Variants in MTF1 observed in about 807,000 individuals in gnomAD.
The protein encoded by MTF1 is MRE-binding transcription factor.
MTF1 carries 22 observed loss-of-function variants against 70.4 expected under a neutral mutation model. That is an observed-to-expected ratio of 0.31 (90% CI 0.22 to 0.45). MTF1 has a LOEUF of 0.45. Among genes scored for constraint, MTF1 ranks in the 20% least tolerant of loss-of-function variants. The pLI is 1.00. For synonymous variants in MTF1, 333 were observed against 352.8 expected (o/e 0.94, Z 0.63); for missense variants, 649 against 922.0 (o/e 0.70, Z 3.83).
chr1:37,811,164 G>T lies in MTF1; in HGVS notation c.*3972C>A, dbSNP rs1349650576. The stretch of plus-strand genomic sequence containing the variant: ...TAATGGTGAAGAGGGAAAAGATGGC[G>T]AGAGACCAAGAAGTGATGAAAAAGG... On this transcript the variant is annotated 3_prime_UTR_variant, in exon 11 of 11. Transcript: ENST00000373036. The T allele has an allele frequency of 6.6e-6, 1 of 152,624 alleles. No homozygotes were observed. Among genetic ancestry groups the T allele is most frequent in the Non-Finnish European group, 1.5e-5 (1 of 68,046 alleles). 9.5% of individuals were successfully genotyped at this position (152,624 alleles called of 1,614,324 possible). A position where few individuals can be genotyped will look rare whatever the true frequency, so the allele number is the denominator to read the frequency against.
chr1:37,845,870 C>T (rs1337459539), intron 2 of MTF1, among the ~76,000 whole-genome samples: 3 of 152,104 alleles, frequency 2.0e-5, no homozygotes, highest in Non-Finnish European at 4.4e-5. Context: ...GTGCTCCCCC[C>T]ATAAAATGCT....
chr1:37,854,340 G>A (rs146482779), intron 2 of MTF1, among the ~76,000 whole-genome samples: 20 of 152,216 alleles, frequency 1.3e-4, no homozygotes, highest in Non-Finnish European at 2.6e-4. Context: ...TTACATGCAG[G>A]TCTCCATTTT....
rs1321238448 is a variant in MTF1, at chr1:37,838,684, G to A, written c.720C>T (p.Phe240=). The part of the protein sequence containing the change: ...NCESEGCSKY[F]TTLSDLRKHI... ...GCTTCCTCAGATCACTGAGTGTGGTGAAGTATTTGCTGCAGCCTTCAGATT... is the reference window on the plus strand; with the variant it reads ...GCTTCCTCAGATCACTGAGTGTGGTAAAGTATTTGCTGCAGCCTTCAGATT... The change falls in exon 4 of 11, where the codon TTC becomes TTT. Residue 240 remains phenylalanine (F), a synonymous_variant. Transcript: ENST00000373036. 4 of 1,610,388 alleles carry A rather than the reference G, an allele frequency of 2.5e-6. No individual in the cohort carries two copies. Among genetic ancestry groups the A allele is most frequent in the South Asian group, 1.1e-5 (1 of 90,992 alleles).
At chr1:37,849,769 C>T (rs1046340812) in intron 2 of MTF1, among the ~76,000 whole-genome samples, 1 of 152,150 alleles carries the variant, frequency 6.6e-6, no homozygotes, top group African/African-American at 2.4e-5. Flanking sequence ...TGCCTTTAAT[C>T]CCAGCAGCTC....
Position 37,815,569 on chromosome 1 carries a change from G to A in MTF1, c.1832-3C>T, listed in dbSNP as rs765057389. Reference sequence around the variant, plus strand: ...GCCAATCTGCTGGACAGAGCTCCCTGCGAGAGAGGCAAGAGAGACTGCTCT... The same window carrying A: ...GCCAATCTGCTGGACAGAGCTCCCTACGAGAGAGGCAAGAGAGACTGCTCT... On this transcript the variant is annotated splice_polypyrimidine_tract_variant and splice_region_variant and intron_variant, in intron 10 of 10. Transcript: ENST00000373036. The surrounding 1 kb of genome is among the most constrained non-coding windows in gnomAD (Gnocchi z 4.5). 1.6e-5 allele frequency: 24 copies of A among 1,523,918 alleles called. No individual in the cohort carries two copies. Among genetic ancestry groups the A allele is most frequent in the Non-Finnish European group, 2.1e-5 (24 of 1,138,752 alleles). 94.4% of individuals were successfully genotyped at this position (1,523,918 alleles called of 1,614,324 possible).
Position 37,814,885 on chromosome 1 carries a change from T to C in MTF1, c.*251A>G. On this transcript the variant is annotated 3_prime_UTR_variant, in exon 11 of 11. Transcript: ENST00000373036. Reference sequence around the variant, plus strand: ...CACATGACAACAAGCAAAAGTGACATACAGTGCAGCCAAACAGTTCACTTA... The same window carrying C: ...CACATGACAACAAGCAAAAGTGACACACAGTGCAGCCAAACAGTTCACTTA... 2 of 451,192 alleles carry C rather than the reference T, an allele frequency of 4.4e-6. No homozygotes were observed. The highest frequency in any genetic ancestry group is 7.9e-6 in the Non-Finnish European group (2 of 252,540). The allele number at this position is 451,192 out of a possible 1,614,324, so 27.9% of individuals were successfully genotyped here.
At chr1:37,859,193 G>C (rs1277534110) in intron 1 of MTF1, among the ~76,000 whole-genome samples, 4 of 152,238 alleles carry the variant, frequency 2.6e-5, no homozygotes, top group Non-Finnish European at 5.9e-5. Flanking sequence ...AACAAGACCA[G>C]GAGGTTTGAG....
chr1:37,834,607 G>C (rs1238945886), intron 6 of MTF1: 2 of 456,158 alleles, frequency 4.4e-6, no homozygotes, highest in Non-Finnish European at 8.8e-6. Flanking sequence ...ACAGAAGAGG[G>C]GGAAAAGGTC....
chr1:37,822,739 A>G (rs1640937565), intron 8 of MTF1, 23 bp from the exon 9 acceptor site: 1 of 1,523,936 alleles, frequency 6.6e-7, no homozygotes, highest in East Asian at 2.3e-5. Flanking sequence ...AGAAATAGAA[A>G]TATATATACA....
intron 2 of MTF1, chr1:37,841,033 G>T: frequency 4.6e-6 from 1 of 216,572 alleles, no homozygotes; most frequent in Non-Finnish European, 9.3e-6. Context: ...TGAAGATCAA[G>T]TCCCTGGAGA....
chr1:37,820,816 T>C (rs546260798), intron 9 of MTF1, among the ~76,000 whole-genome samples: 1 of 152,274 alleles, frequency 6.6e-6, no homozygotes, highest in African/African-American at 2.4e-5. Context: ...GTAACCAATG[T>C]ACCACACTGT....
At chr1:37,821,180 T>TAAC (rs1349523639) in intron 9 of MTF1, among the ~76,000 whole-genome samples, 2 of 150,694 alleles carry the variant, frequency 1.3e-5, no homozygotes, top group Non-Finnish European at 3.0e-5. Flanking sequence ...TATATAATAA[T>TAAC]AATAATAATA....
chr1:37,849,738 G>A (rs1641386320), intron 2 of MTF1, among the ~76,000 whole-genome samples: 1 of 152,128 alleles, frequency 6.6e-6, no homozygotes, highest in Non-Finnish European at 1.5e-5. Context: ...AGAAAACACA[G>A]TTGCCAGGTG....
rs1367655753 is a variant in MTF1 at position 37,823,169 on chromosome 1, C to T, written c.1172-453G>A. Among the ~76,000 whole-genome samples the T allele has an allele frequency of 3.3e-5, 5 of 152,148 alleles. No homozygotes were observed. The East Asian group carries it at 9.6e-4, about 29-fold the overall frequency. On this transcript the variant is annotated intron_variant, in intron 8 of 10. Coordinates refer to ENST00000373036, the MANE Select transcript of MTF1 (RefSeq NM_005955.3). ...GAGCTCACAAGGCTGGGCATGGTGG[C>T]TCACGCCTGTAGTCTTAGAACTTTG...
intron 2 of MTF1, among the ~76,000 whole-genome samples, chr1:37,848,811 G>C (rs1314648278): frequency 6.6e-6 from 1 of 152,170 alleles, no homozygotes; most frequent in East Asian, 1.9e-4. Context: ...GAGTTCAGAA[G>C]GGAACCTGCA....
At chr1:37,830,787 A>G (rs1020016364) in intron 7 of MTF1, among the ~76,000 whole-genome samples, 2 of 152,174 alleles carry the variant, frequency 1.3e-5, no homozygotes, top group Non-Finnish European at 2.9e-5. Context: ...ATCTTTGTGT[A>G]GATCTTTAGC....
At position 37,840,161 on chromosome 1, in the gene MTF1, G is replaced by A; in HGVS notation, c.409-3C>T. On this transcript the variant is annotated splice_polypyrimidine_tract_variant and splice_region_variant and intron_variant, in intron 2 of 10. Transcript: ENST00000373036. The surrounding 1 kb of genome is among the most constrained non-coding windows in gnomAD (Gnocchi z 4.5). ...AAGGTACATTGGTACCGCTTTACCT[G>A]GCAGAGAAAAGATACCTCATCAACA... 6.2e-7 allele frequency: 1 copy of A among 1,613,660 alleles called. No individual in the cohort carries two copies. Among genetic ancestry groups the A allele is most frequent in the Non-Finnish European group, 8.5e-7 (1 of 1,179,766 alleles).
chr1:37,837,182 T>G (rs1268708883), intron 4 of MTF1, among the ~76,000 whole-genome samples: 1 of 152,102 alleles, frequency 6.6e-6, no homozygotes, highest in Non-Finnish European at 1.5e-5. Context: ...CACCTCAGCC[T>G]CCTAAATAGC....
chr1:37,832,963 G>A (rs934690979), intron 6 of MTF1, among the ~76,000 whole-genome samples: 4 of 151,128 alleles, frequency 2.6e-5, no homozygotes, highest in Admixed American at 1.3e-4. Context: ...CCAAGATCAC[G>A]CCACTGCACT....
Sources: allele counts gnomAD v4.1 joint callset (sites outside exome capture counted in the v4.1 genomes callset), GRCh38; gene constraint gnomAD v4.1.1; non-coding constraint Gnocchi (gnomAD v3.1); transcripts MANE v1.5; gene names NCBI Gene and HGNC (gene_info 2026-07-23, HGNC 2026-07-21).